The following THRB variants were observed in gnomAD, a reference collection of about 807,000 sequenced individuals.
THRB encodes the protein nuclear receptor subfamily 1 group A member 2.
Under a neutral mutation model 47.8 loss-of-function variants are expected in THRB, and 12 were observed. That is an observed-to-expected ratio of 0.25 (90% CI 0.16 to 0.41). The LOEUF (loss-of-function observed/expected upper bound fraction) is 0.41. Among genes scored for constraint, THRB ranks in the 10% least tolerant of loss-of-function variants. THRB has a pLI of 1.00. For missense variants in THRB, 348 were observed against 589.2 expected (o/e 0.59, Z 4.24); for synonymous variants, 218 against 212.2 (o/e 1.03, Z -0.24).
At chr3:24,489,576 TC>T (rs1275700675) in intron 1 of THRB, among the ~76,000 whole-genome samples, 1 of 152,148 alleles carries the variant, frequency 6.6e-6, no homozygotes, top group East Asian at 1.9e-4. Context: ...AATTCCAGAC[TC>T]CCCTGATTTG....
At chr3:24,396,179 A>T (rs1025544440) in intron 1 of THRB, among the ~76,000 whole-genome samples, 2 of 151,908 alleles carry the variant, frequency 1.3e-5, no homozygotes, top group South Asian at 2.1e-4. Flanking sequence ...GCATATATAT[A>T]TTTTTTCTAT....
At chr3:24,239,648 G>T (rs887762241) in intron 3 of THRB, among the ~76,000 whole-genome samples, 2 of 152,044 alleles carry the variant, frequency 1.3e-5, no homozygotes, top group African/African-American at 2.4e-5. Flanking sequence ...GGATGGGTAG[G>T]TCTGGGTAGG....
At chr3:24,473,168 T>C (rs1694950993) in intron 1 of THRB, among the ~76,000 whole-genome samples, 1 of 152,232 alleles carries the variant, frequency 6.6e-6, no homozygotes, top group Non-Finnish European at 1.5e-5. Flanking sequence ...TAACATGTAA[T>C]AGAAAATATT....
chr3:24,225,621 C>T (rs1050964267), intron 4 of THRB, among the ~76,000 whole-genome samples: 12 of 152,156 alleles, frequency 7.9e-5, no homozygotes, highest in African/African-American at 2.7e-4. Context: ...TCAGTCAAGG[C>T]CAAAAGCCTC....
intron 8 of THRB, among the ~76,000 whole-genome samples, chr3:24,139,385 C>CTTTTTTTTTTTTTTTTTTTTTTTTTTTTT (rs35616801): frequency 7.0e-6 from 1 of 142,604 alleles, no homozygotes; most frequent in African/African-American, 2.6e-5. Context: ...TTTTTCTTTT[C>CTTTTTTTTTTTTTTTTTTTTTTTTTTTTT]TTTCTTTTTT....
intron 1 of THRB, among the ~76,000 whole-genome samples, chr3:24,387,330 T>G (rs4858608): frequency 0.47 from 71,360 of 151,954 alleles, 16,960 homozygotes; most frequent in South Asian, 0.49. Context: ...TCCCCATTTA[T>G]GTACACCAAT....
chr3:24,236,870 A>G (rs2048929092), intron 3 of THRB, among the ~76,000 whole-genome samples: 1 of 152,140 alleles, frequency 6.6e-6, no homozygotes, highest in Non-Finnish European at 1.5e-5. Context: ...CTAGGACCCA[A>G]TGAAGTGAAT....
At chr3:24,373,108 G>A (rs1233066231) in intron 1 of THRB, among the ~76,000 whole-genome samples, 1 of 151,992 alleles carries the variant, frequency 6.6e-6, no homozygotes, top group African/African-American at 2.4e-5. Flanking sequence ...CTGGGAGTCA[G>A]ATTAAGATTT....
At chr3:24,405,238 C>A (rs2067725584) in intron 1 of THRB, among the ~76,000 whole-genome samples, 1 of 151,962 alleles carries the variant, frequency 6.6e-6, no homozygotes, top group Admixed American at 6.6e-5. Flanking sequence ...AAACATGTCA[C>A]AGGTCTATTG....
chr3:24,227,753 C>T (rs1337481819), intron 4 of THRB, among the ~76,000 whole-genome samples: 1 of 152,076 alleles, frequency 6.6e-6, no homozygotes, highest in Admixed American at 6.6e-5. Context: ...TTTAGCTTAT[C>T]ATAGGGTGGG....
At chr3:24,461,154 A>G (rs538151315) in intron 1 of THRB, among the ~76,000 whole-genome samples, 8 of 152,340 alleles carry the variant, frequency 5.3e-5, no homozygotes, top group Admixed American at 1.3e-4. Context: ...AGAAAAAAGA[A>G]TTCATCAGCA....
At position 24,145,453 on chromosome 3, in the gene THRB, A is replaced by G. The variant is rs141420629; in HGVS notation, c.532+1222T>C. On this transcript the variant is annotated intron_variant, in intron 7 of 10. Transcript: ENST00000646209. The stretch of plus-strand genomic sequence containing the variant: ...CTTAAACTTCTCAATAGAACACTGA[A>G]ATAGATAATCAATAATAAGTTTGTC... Among the ~76,000 whole-genome samples the G allele has an allele frequency of 1.5e-3, 225 of 152,292 alleles. 1 individual carries two copies. Among genetic ancestry groups the G allele is most frequent in the African/African-American group, 4.9e-3 (204 of 41,572 alleles).
At chr3:24,461,544 T>C (rs770191749) in intron 1 of THRB, among the ~76,000 whole-genome samples, 1 of 152,246 alleles carries the variant, frequency 6.6e-6, no homozygotes, top group Non-Finnish European at 1.5e-5. Flanking sequence ...GCTAATAAAA[T>C]AGAGATGTGG....
At chr3:24,158,034 A>C (rs1487497022) in intron 5 of THRB, among the ~76,000 whole-genome samples, 1 of 152,222 alleles carries the variant, frequency 6.6e-6, no homozygotes, top group Non-Finnish European at 1.5e-5. Flanking sequence ...TTTGAGTTGG[A>C]ATGTTAATCA....
intron 3 of THRB, among the ~76,000 whole-genome samples, chr3:24,292,263 T>C (rs1226505946): frequency 2.0e-5 from 3 of 152,154 alleles, no homozygotes; most frequent in African/African-American, 7.2e-5. Flanking sequence ...GGAGGGGGCC[T>C]TCTACATTTC....
chr3:24,341,376 G>A (rs187008451), intron 1 of THRB, among the ~76,000 whole-genome samples: 10 of 151,464 alleles, frequency 6.6e-5, no homozygotes, highest in African/African-American at 1.9e-4. Flanking sequence ...GATGACAGGC[G>A]TGTACCACCA....
chr3:24,324,508 C>G (rs1007968637), intron 2 of THRB, among the ~76,000 whole-genome samples: 17 of 152,154 alleles, frequency 1.1e-4, no homozygotes, highest in Non-Finnish European at 1.8e-4. Context: ...ATTTGCCCAT[C>G]CTGTTACATC....
chr3:24,238,759 G>C (rs1202786883), intron 3 of THRB, among the ~76,000 whole-genome samples: 1 of 152,074 alleles, frequency 6.6e-6, no homozygotes, highest in Non-Finnish European at 1.5e-5. Context: ...TTCCTAAATG[G>C]AGTGTTATGA....
At chr3:24,127,312 A>G (rs2033031627) in intron 10 of THRB, among the ~76,000 whole-genome samples, 187 bp downstream of exon 10, 1 of 152,144 alleles carries the variant, frequency 6.6e-6, no homozygotes, top group African/African-American at 2.4e-5. Context: ...GACACTGCAA[A>G]AAGCATCAGA....
Sources: gnomAD v4.1 joint callset for allele counts (sites outside exome capture counted in the v4.1 genomes callset) on GRCh38, gnomAD v4.1.1 for gene constraint, MANE v1.5 for transcripts, NCBI Gene and HGNC (gene_info 2026-07-23, HGNC 2026-07-21) for gene names.